Variants in LRMDA observed in about 807,000 individuals in gnomAD.
LRMDA encodes leucine-rich melanocyte differentiation-associated protein.
LRMDA carries 18 observed loss-of-function variants against 29.8 expected under a neutral mutation model. That is an observed-to-expected ratio of 0.60 (90% CI 0.42 to 0.90). The LOEUF is 0.90. Ranked by LOEUF, LRMDA falls within the 40% of genes least tolerant of loss-of-function variation. The pLI, the probability that LRMDA is intolerant of heterozygous loss-of-function variation, is 0.00. For missense variants in LRMDA, 273 were observed against 273.9 expected (o/e 1.00, Z 0.02); for synonymous variants, 125 against 109.4 (o/e 1.14, Z -0.89).
At chr10:76,078,638 A>G (rs1350123304) in intron 5 of LRMDA, among the ~76,000 whole-genome samples, 2 of 152,002 alleles carry the variant, frequency 1.3e-5, no homozygotes, top group Admixed American at 6.5e-5. Context: ...GATCGAGACC[A>G]TCCTGGCTAA....
chr10:76,280,022 A>G (rs560585206), intron 5 of LRMDA, among the ~76,000 whole-genome samples: 2 of 152,324 alleles, frequency 1.3e-5, no homozygotes, highest in African/African-American at 4.8e-5. Context: ...TCCAGAGTAG[A>G]TGACTGGTGA....
intron 2 of LRMDA, among the ~76,000 whole-genome samples, chr10:75,834,869 C>G (rs548963075): frequency 6.6e-6 from 1 of 152,332 alleles, no homozygotes; most frequent in Admixed American, 6.5e-5. Context: ...TCGCTTCCTT[C>G]TGAGTCTTCA....
intron 3 of LRMDA, among the ~76,000 whole-genome samples, chr10:76,045,746 G>A (rs1848428344): frequency 3.9e-5 from 6 of 152,234 alleles, no homozygotes; most frequent in Admixed American, 3.3e-4. Flanking sequence ...ACTGAGTAGA[G>A]GTTAGAGAAA....
intron 2 of LRMDA, among the ~76,000 whole-genome samples, chr10:76,018,939 T>C (rs1387316072): frequency 6.6e-6 from 1 of 152,208 alleles, no homozygotes; most frequent in East Asian, 1.9e-4. Context: ...TTTTAAATGT[T>C]CAGATTGTTC....
chr10:75,949,736 T>A (rs1355035500), intron 2 of LRMDA, among the ~76,000 whole-genome samples: 1 of 152,120 alleles, frequency 6.6e-6, no homozygotes, highest in Non-Finnish European at 1.5e-5. Flanking sequence ...AAAACACCCA[T>A]ATTTACCCAT....
chr10:75,799,463 G>C (rs1353219782), intron 2 of LRMDA, among the ~76,000 whole-genome samples: 1 of 150,502 alleles, frequency 6.6e-6, no homozygotes, highest in Non-Finnish European at 1.5e-5. Flanking sequence ...ATGCATCCTT[G>C]TTGATTGCAT....
In LRMDA at chr10:75,743,994, T is replaced by C. The variant is rs145793528; in HGVS notation, c.132-292014T>C. 5.9e-5 allele frequency among the ~76,000 whole-genome samples: 9 copies of C among 152,322 alleles called. No individual in the cohort carries two copies. In the East Asian group the frequency reaches 1.7e-3, roughly 29 times the overall value. ...ATATTACTTAGGGGGTTTCCTGAGC[T>C]GCATTAAAGTTGAACCACTAGGGTG... On this transcript the variant is annotated intron_variant, in intron 2 of 6. Coordinates refer to ENST00000611255, the MANE Select transcript of LRMDA (RefSeq NM_001305581.2).
intron 2 of LRMDA, among the ~76,000 whole-genome samples, chr10:75,449,151 C>CAAAAAA (rs779723533): frequency 9.9e-5 from 5 of 50,276 alleles, no homozygotes; most frequent in Non-Finnish European, 1.7e-4. Flanking sequence ...GACTCCATCT[C>CAAAAAA]AAAAAAAAAA....
intron 2 of LRMDA, among the ~76,000 whole-genome samples, chr10:75,619,776 G>T (rs1199882985): frequency 6.6e-6 from 1 of 152,112 alleles, no homozygotes; most frequent in Non-Finnish European, 1.5e-5. Flanking sequence ...TTTACAGTTG[G>T]CCTCTGCAAA....
chr10:75,720,468 C>T (rs1272528847), intron 2 of LRMDA, among the ~76,000 whole-genome samples: 3 of 152,224 alleles, frequency 2.0e-5, no homozygotes, highest in African/African-American at 4.8e-5. Context: ...TGTGCTACAT[C>T]TTTCTTGGAG....
chr10:75,864,362 C>T (rs1483085294), intron 2 of LRMDA, among the ~76,000 whole-genome samples: 1 of 152,188 alleles, frequency 6.6e-6, no homozygotes, highest in African/African-American at 2.4e-5. Context: ...GATGCAGGTT[C>T]AGCCCTTTAA....
chr10:76,470,678 A>T (rs936768161), intron 6 of LRMDA, among the ~76,000 whole-genome samples: 1 of 152,124 alleles, frequency 6.6e-6, no homozygotes, highest in Non-Finnish European at 1.5e-5. Flanking sequence ...TAATTGAGGT[A>T]TCTAAAATAG....
intron 2 of LRMDA, among the ~76,000 whole-genome samples, chr10:75,857,452 A>G (rs1248046222): frequency 1.3e-5 from 2 of 152,184 alleles, no homozygotes; most frequent in East Asian, 1.9e-4. Context: ...GGAATGCCCC[A>G]TGTAAAGAGA....
At chr10:76,272,979 A>T (rs1840086996) in intron 5 of LRMDA, among the ~76,000 whole-genome samples, 1 of 152,184 alleles carries the variant, frequency 6.6e-6, no homozygotes, top group African/African-American at 2.4e-5. Context: ...TGTGGGGATT[A>T]CAATTCAAGA....
chr10:76,458,121 CT>C, intron 6 of LRMDA, among the ~76,000 whole-genome samples: 1 of 68,164 alleles, frequency 1.5e-5, no homozygotes, highest in Non-Finnish European at 4.1e-5. Context: ...ACTCCTAGTG[CT>C]TTCAAAAAAA....
At chr10:76,410,594 C>A (rs1191211246) in intron 6 of LRMDA, among the ~76,000 whole-genome samples, 3 of 152,002 alleles carry the variant, frequency 2.0e-5, no homozygotes, top group African/African-American at 4.8e-5. Context: ...TAGGCATGAG[C>A]CACCGTGGCC....
rs1253956192 is a variant in LRMDA at position 76,445,475 on chromosome 10, A to G, written c.602-111734A>G. 2.0e-5 allele frequency among the ~76,000 whole-genome samples: 3 copies of G among 152,166 alleles called. No homozygotes were observed. In the East Asian group the frequency reaches 5.8e-4, roughly 29 times the overall value. On this transcript the variant is annotated intron_variant, in intron 6 of 6. Coordinates refer to ENST00000611255, the MANE Select transcript of LRMDA (RefSeq NM_001305581.2). ...CAGATGCAGGGCATCACGGATGTTT[A>G]TTTGTCTGTTACCTAAACTCAGGAC... is the stretch of plus-strand genomic sequence containing the variant.
At chr10:76,383,967 TTC>T (rs1554817381) in intron 6 of LRMDA, among the ~76,000 whole-genome samples, 2 of 151,812 alleles carry the variant, frequency 1.3e-5, no homozygotes, top group Non-Finnish European at 2.9e-5. Context: ...CCATTTTTTT[TTC>T]TCTCTCTCTT....
At chr10:75,609,166 T>C (rs559801877) in intron 2 of LRMDA, among the ~76,000 whole-genome samples, 1 of 152,160 alleles carries the variant, frequency 6.6e-6, no homozygotes, top group East Asian at 1.9e-4. Flanking sequence ...GGGGTTAGAA[T>C]CAAGGAATCA....
Sources: allele counts gnomAD v4.1 joint callset (sites outside exome capture counted in the v4.1 genomes callset), GRCh38; gene constraint gnomAD v4.1.1; transcripts MANE v1.5; gene names NCBI Gene and HGNC (gene_info 2026-07-23, HGNC 2026-07-21).